ENTPD1: variants seen among roughly 807,000 people sequenced by gnomAD.
The protein encoded by ENTPD1 is ectonucleoside triphosphate diphosphohydrolase 1.
Under a neutral mutation model 57.0 loss-of-function variants are expected in ENTPD1, and 33 were observed. The observed-to-expected ratio is 0.58, with a 90% CI of 0.44 to 0.77. The LOEUF is 0.77. Ranked by LOEUF, ENTPD1 falls within the 30% of genes least tolerant of loss-of-function variation. The pLI is 0.00. For missense variants in ENTPD1, 501 were observed against 603.4 expected (o/e 0.83, Z 1.78); for synonymous variants, 202 against 218.8 (o/e 0.92, Z 0.68).
intron 1 of ENTPD1, among the ~76,000 whole-genome samples, chr10:95,815,078 C>T (rs1002124749): frequency 2.0e-5 from 3 of 152,124 alleles, no homozygotes; most frequent in Admixed American, 6.5e-5. Flanking sequence ...GGAAAAAACC[C>T]GCTAAATTAA....
rs1345697588 is a variant in ENTPD1, at chr10:95,874,735, TG to T, written c.*8354del. ...TCTGCCCCTGCAGCAAACTTTTGCCTGGACATCCAGGTGTTTCCATATATAT... is the reference window on the plus strand; with the variant it reads ...TCTGCCCCTGCAGCAAACTTTTGCCTGACATCCAGGTGTTTCCATATATAT... On this transcript the variant is annotated 3_prime_UTR_variant, in exon 10 of 10. Coordinates refer to ENST00000371205, the MANE Select transcript of ENTPD1 (RefSeq NM_001776.6). Among the ~76,000 whole-genome samples the T allele has an allele frequency of 1.3e-5, 2 of 152,282 alleles. No individual in the cohort carries two copies. Among genetic ancestry groups the T allele is most frequent in the Non-Finnish European group, 2.9e-5 (2 of 68,054 alleles).
intron 2 of ENTPD1, among the ~76,000 whole-genome samples, chr10:95,828,475 A>C (rs1214836190): frequency 6.6e-6 from 1 of 152,150 alleles, no homozygotes; most frequent in Non-Finnish European, 1.5e-5. Context: ...GAATCATCCC[A>C]AAACCATTTC....
chr10:95,800,278 C>T (rs2098243580), intron 1 of ENTPD1, among the ~76,000 whole-genome samples: 1 of 152,054 alleles, frequency 6.6e-6, no homozygotes, highest in Non-Finnish European at 1.5e-5. Flanking sequence ...CGACCCTGAG[C>T]CGCAAAACCA....
At chr10:95,781,891 A>C (rs1219068001) in intron 1 of ENTPD1, among the ~76,000 whole-genome samples, 1 of 152,202 alleles carries the variant, frequency 6.6e-6, no homozygotes, top group African/African-American at 2.4e-5. Flanking sequence ...AATATATTCC[A>C]GGAATTAGGT....
At chr10:95,839,634 C>A (rs201148663) in intron 2 of ENTPD1, 57 bp from the exon 3 acceptor site, 286 of 1,558,722 alleles carry the variant, frequency 1.8e-4, no homozygotes, top group Non-Finnish European at 2.4e-4. Context: ...TTTTGCAAGC[C>A]TAATATGGAG....
chr10:95,820,661 A>G (rs2098346828), intron 1 of ENTPD1, among the ~76,000 whole-genome samples: 1 of 152,160 alleles, frequency 6.6e-6, no homozygotes. Flanking sequence ...CTTCTGAGAG[A>G]GGCTTTCTTG....
chr10:95,750,267 G>A (rs930403135), intron 1 of ENTPD1, among the ~76,000 whole-genome samples: 10 of 152,224 alleles, frequency 6.6e-5, no homozygotes, highest in African/African-American at 2.2e-4. Context: ...ATGTGGTTTG[G>A]ATATTTGTCA....
intron 1 of ENTPD1, among the ~76,000 whole-genome samples, chr10:95,772,169 C>G (rs1214805584): frequency 6.6e-6 from 1 of 152,124 alleles, no homozygotes; most frequent in African/African-American, 2.4e-5. Flanking sequence ...AGAGTCTTGC[C>G]TTGATGTTTA....
Position 95,876,225 on chromosome 10 carries a change from AAC to A in ENTPD1, c.*9846_*9847del. The A allele has an allele frequency of 4.1e-6, 4 of 977,284 alleles. No homozygotes were observed. Among genetic ancestry groups the A allele is most frequent in the Non-Finnish European group, 4.9e-6 (4 of 822,514 alleles). 60.5% of individuals were successfully genotyped at this position (977,284 alleles called of 1,614,324 possible). On this transcript the variant is annotated 3_prime_UTR_variant, in exon 10 of 10. Coordinates refer to ENST00000371205, the MANE Select transcript of ENTPD1 (RefSeq NM_001776.6). Reference sequence around the variant, plus strand: ...AAATACTCCTATAAAAATGTAAAGAAACACATAATGTAGATTGCTAATTTTAT... The same window carrying A: ...AAATACTCCTATAAAAATGTAAAGAAACATAATGTAGATTGCTAATTTTAT...
At chr10:95,782,913 G>A (rs971595686) in intron 1 of ENTPD1, among the ~76,000 whole-genome samples, 3 of 152,166 alleles carry the variant, frequency 2.0e-5, no homozygotes, top group African/African-American at 7.2e-5. Context: ...AAAAGATACT[G>A]AGCTAGAAGT....
At position 95,720,884 on chromosome 10, in the gene ENTPD1, G is replaced by A. The variant is rs149161376; in HGVS notation, c.37+8891G>A. On this transcript the variant is annotated intron_variant, in intron 1 of 9. Transcript: ENST00000453258. The stretch of plus-strand genomic sequence containing the variant: ...CTGTGTTCCAGAGCCTCCAAAGTCC[G>A]CTTGCCTGAGGGCCATGACTAAAGC... 5.2e-3 allele frequency among the ~76,000 whole-genome samples: 793 copies of A among 152,208 alleles called. 7 individuals are homozygous for A. The highest frequency in any genetic ancestry group is 0.018 in the African/African-American group (744 of 41,534).
At chr10:95,719,156 CT>C (rs2097974764) in intron 1 of ENTPD1, among the ~76,000 whole-genome samples, 2 of 152,214 alleles carry the variant, frequency 1.3e-5, no homozygotes, top group Non-Finnish European at 2.9e-5. Flanking sequence ...TGAGGCCAAC[CT>C]TTTGCCACTA....
At chr10:95,704,295 C>A in the ENTPD1 span, among the ~76,000 whole-genome samples, 1 of 152,014 alleles carries the variant, frequency 6.6e-6, no homozygotes, top group Non-Finnish European at 1.5e-5. Context: ...ATGCTGATTT[C>A]AAATTTACGT....
At chr10:95,789,474 A>T (rs1332325216) in intron 1 of ENTPD1, among the ~76,000 whole-genome samples, 1 of 152,186 alleles carries the variant, frequency 6.6e-6, no homozygotes, top group Non-Finnish European at 1.5e-5. Context: ...GGGTTAAAAA[A>T]TTTTGGCAGT....
chr10:95,817,128 G>C (rs895580395), intron 1 of ENTPD1, among the ~76,000 whole-genome samples: 1 of 152,198 alleles, frequency 6.6e-6, no homozygotes, highest in African/African-American at 2.4e-5. Context: ...ACTAACTGCT[G>C]ATGGATCCTG....
chr10:95,795,478 G>C (rs1189089288), intron 1 of ENTPD1, among the ~76,000 whole-genome samples: 1 of 152,120 alleles, frequency 6.6e-6, no homozygotes, highest in African/African-American at 2.4e-5. Flanking sequence ...AAAAGGTGAA[G>C]GAGGCAGCTG....
intron 1 of ENTPD1, among the ~76,000 whole-genome samples, chr10:95,806,918 T>A (rs1372958141): frequency 2.6e-5 from 4 of 152,222 alleles, no homozygotes; most frequent in Admixed American, 2.6e-4. Context: ...ATGAGGTGTC[T>A]GCTGGCCCCT....
chr10:95,736,545 T>A (rs1244860705), intron 1 of ENTPD1, among the ~76,000 whole-genome samples: 1 of 152,230 alleles, frequency 6.6e-6, no homozygotes, highest in East Asian at 1.9e-4. Flanking sequence ...CTTGTTCATC[T>A]TTTTTCATGC....
rs1402089136 is a variant in ENTPD1, at chr10:95,870,807, A to G, written c.*4424A>G. 1.0e-6 allele frequency: 1 copy of G among 985,222 alleles called. No homozygotes were observed. The highest frequency in any genetic ancestry group is 1.7e-5 in the African/African-American group (1 of 57,224). 61.0% of individuals were successfully genotyped at this position (985,222 alleles called of 1,614,324 possible). On this transcript the variant is annotated 3_prime_UTR_variant, in exon 10 of 10. Coordinates refer to ENST00000371205, the MANE Select transcript of ENTPD1 (RefSeq NM_001776.6). The stretch of plus-strand genomic sequence containing the variant: ...TTGCTTACTAACCATGTTTCTTTCC[A>G]TTTGTATTAGGTCCTTTACTTTTTA...
Sources: gnomAD v4.1 joint callset for allele counts (sites outside exome capture counted in the v4.1 genomes callset) on GRCh38, gnomAD v4.1.1 for gene constraint, MANE v1.5 for transcripts, NCBI Gene and HGNC (gene_info 2026-07-23, HGNC 2026-07-21) for gene names.